MAP7: variants seen among roughly 807,000 people sequenced by gnomAD.
The protein encoded by MAP7 is microtubule associated protein 7, also known as ensconsin.
MAP7 carries 52 observed loss-of-function variants against 94.8 expected under a neutral mutation model. The observed-to-expected ratio is 0.55, with a 90% CI of 0.44 to 0.69. MAP7 has a LOEUF of 0.69. Ranked by LOEUF, MAP7 falls within the 30% of genes least tolerant of loss-of-function variation. The pLI is 0.00. For missense variants in MAP7, 940 were observed against 964.6 expected (o/e 0.97, Z 0.34); for synonymous variants, 350 against 357.0 (o/e 0.98, Z 0.22).
intron 1 of MAP7, among the ~76,000 whole-genome samples, chr6:136,546,326 A>G (rs1033271042): frequency 1.3e-5 from 2 of 151,116 alleles, no homozygotes; most frequent in South Asian, 2.1e-4. Context: ...TTTTTTTTCA[A>G]ACCATTAACC....
chr6:136,538,966 C>T lies in MAP7; in HGVS notation c.67+11376G>A, dbSNP rs572466788. On this transcript the variant is annotated intron_variant, in intron 1 of 17. Coordinates refer to ENST00000354570, the MANE Select transcript of MAP7 (RefSeq NM_003980.6). The stretch of plus-strand genomic sequence containing the variant: ...TTTAATGATGCCTTTGATCCCAGTG[C>T]CAGCCTATGACAGTGTGATCACACA... 2.0e-5 allele frequency among the ~76,000 whole-genome samples: 3 copies of T among 152,168 alleles called. No homozygotes were observed. In the South Asian group the frequency reaches 6.2e-4, roughly 32 times the overall value.
At position 136,440,699 on chromosome 6, in the gene MAP7, G is replaced by T. The variant is rs1797585762; in HGVS notation, c.68-18900C>A. Among the ~76,000 whole-genome samples, 4 of 151,990 alleles carry T rather than the reference G, an allele frequency of 2.6e-5. No individual in the cohort carries two copies. The South Asian group carries it at 8.3e-4, about 32-fold the overall frequency. On this transcript the variant is annotated intron_variant, in intron 1 of 17. Coordinates refer to ENST00000354570, the MANE Select transcript of MAP7 (RefSeq NM_003980.6). ...GAAGATGAAAATAAAACTTTAGTAA[G>T]AATTAAGATCTAAGAATTATGACAG...
rs1183181131 is a variant in MAP7, at chr6:136,377,774, A to T, written c.732T>A (p.Ala244=). ...HSFLARSKST[A]ALSGEAASCS... is the part of the protein sequence containing the mutation. ...TTTTACCTGCTTCTCCAGACAAGGC[A>T]GCTGTGCTTTTACTTCTGGCCAGGA... is the stretch of plus-strand genomic sequence containing the variant. The change falls in exon 7 of 18, where the codon GCT becomes GCA. Residue 244 remains alanine, a synonymous_variant. Coordinates refer to ENST00000354570, the MANE Select transcript of MAP7 (RefSeq NM_003980.6). The T allele has an allele frequency of 1.2e-6, 2 of 1,614,030 alleles. No individual in the cohort carries two copies. The highest frequency in any genetic ancestry group is 1.7e-6 in the Non-Finnish European group (2 of 1,179,894).
At chr6:136,467,953 G>A (rs1231918716) in intron 1 of MAP7, among the ~76,000 whole-genome samples, 5 of 152,140 alleles carry the variant, frequency 3.3e-5, no homozygotes, top group Admixed American at 6.5e-5. Flanking sequence ...TCTAAGACGC[G>A]TGAGGGTCAA....
intron 1 of MAP7, among the ~76,000 whole-genome samples, chr6:136,474,964 C>T (rs892658681): frequency 2.0e-5 from 3 of 152,152 alleles, no homozygotes; most frequent in Non-Finnish European, 2.9e-5. Context: ...GATCTGCCCA[C>T]CTCAGTTTCC....
chr6:136,368,859 T>C (rs1228967186), intron 8 of MAP7, among the ~76,000 whole-genome samples: 6 of 152,238 alleles, frequency 3.9e-5, no homozygotes, highest in African/African-American at 1.2e-4. Context: ...ATGCATTCCC[T>C]ATTGAAATCC....
At chr6:136,357,858 C>T (rs1191171783) in intron 15 of MAP7, among the ~76,000 whole-genome samples, 3 of 152,174 alleles carry the variant, frequency 2.0e-5, no homozygotes, top group African/African-American at 7.2e-5. Context: ...GCCAGAGGTA[C>T]AAGAGATCTG....
intron 16 of MAP7, among the ~76,000 whole-genome samples, chr6:136,348,485 G>C (rs1319627203): frequency 6.6e-6 from 1 of 152,182 alleles, no homozygotes; most frequent in Non-Finnish European, 1.5e-5. Flanking sequence ...TGTCCACTCA[G>C]AATAAGAGCA....
At chr6:136,540,637 T>TA (rs1829232678) in intron 1 of MAP7, among the ~76,000 whole-genome samples, 1 of 152,202 alleles carries the variant, frequency 6.6e-6, no homozygotes, top group African/African-American at 2.4e-5. Flanking sequence ...CAATTGCTAT[T>TA]ACGATTTTCC....
intron 1 of MAP7, among the ~76,000 whole-genome samples, chr6:136,546,319 T>A (rs1001752411): frequency 6.6e-6 from 1 of 151,774 alleles, no homozygotes; most frequent in Non-Finnish European, 1.5e-5. Flanking sequence ...GGCCTTTTTT[T>A]TTTTCAAACC....
At chr6:136,505,499 A>G (rs561282235) in intron 1 of MAP7, among the ~76,000 whole-genome samples, 3 of 151,712 alleles carry the variant, frequency 2.0e-5, no homozygotes, top group Non-Finnish European at 4.4e-5. Context: ...TGTCAAGGAT[A>G]ATAAGTTCCA....
At chr6:136,355,649 C>T (rs3799407) in intron 16 of MAP7, among the ~76,000 whole-genome samples, 2,425 of 152,224 alleles carry the variant, frequency 0.016, 40 homozygotes, top group East Asian at 0.039. Context: ...AGCCGAGAAA[C>T]AATTATGTGT....
intron 3 of MAP7, among the ~76,000 whole-genome samples, chr6:136,406,415 T>G (rs781085432): frequency 1.5e-4 from 23 of 152,242 alleles, no homozygotes; most frequent in Admixed American, 5.2e-4. Context: ...CTGAAAATTC[T>G]ATCACCCATA....
intron 3 of MAP7, among the ~76,000 whole-genome samples, chr6:136,399,905 T>G (rs1264705446): frequency 1.3e-5 from 2 of 152,110 alleles, no homozygotes; most frequent in Non-Finnish European, 2.9e-5. Flanking sequence ...ATTTTGTAGG[T>G]CTTAGAGCAT....
chr6:136,362,223 C>A (rs537121548), intron 11 of MAP7, among the ~76,000 whole-genome samples: 4 of 151,916 alleles, frequency 2.6e-5, no homozygotes, highest in African/African-American at 9.7e-5. Flanking sequence ...GAGTTTGAGA[C>A]CAGCCTGGGC....
intron 1 of MAP7, among the ~76,000 whole-genome samples, chr6:136,427,940 A>G (rs993241615): frequency 1.3e-5 from 2 of 152,230 alleles, no homozygotes; most frequent in Non-Finnish European, 2.9e-5. Flanking sequence ...ATAGAAAATG[A>G]TATTAAACCA....
In MAP7 at chr6:136,468,948, G is replaced by T. The variant is rs557723882; in HGVS notation, c.68-47149C>A. Among the ~76,000 whole-genome samples, 8 of 152,046 alleles carry T rather than the reference G, an allele frequency of 5.3e-5. No individual in the cohort carries two copies. The South Asian group carries it at 1.7e-3, about 32-fold the overall frequency. The stretch of plus-strand genomic sequence containing the variant: ...AGGGAAAGACAGAGGACATTGTGTG[G>T]AGACAGTGCACCACTCTTCCCTTAG... On this transcript the variant is annotated intron_variant, in intron 1 of 17. Transcript: ENST00000354570.
intron 3 of MAP7, among the ~76,000 whole-genome samples, chr6:136,391,281 C>T (rs1297032852): frequency 2.0e-5 from 3 of 149,308 alleles, no homozygotes; most frequent in African/African-American, 7.4e-5. Flanking sequence ...AACCATCATT[C>T]TCAGTAAACT....
chr6:136,428,342 C>G (rs1459821169), intron 1 of MAP7, among the ~76,000 whole-genome samples: 1 of 152,104 alleles, frequency 6.6e-6, no homozygotes, highest in Non-Finnish European at 1.5e-5. Flanking sequence ...ATGGTGAAAC[C>G]TCGTCCCTAC....
Sources: allele counts gnomAD v4.1 joint callset (sites outside exome capture counted in the v4.1 genomes callset), GRCh38; gene constraint gnomAD v4.1.1; transcripts MANE v1.5; gene names NCBI Gene and HGNC (gene_info 2026-07-23, HGNC 2026-07-21).